The following TOX4 variants were observed in gnomAD, a reference collection of about 807,000 sequenced individuals.
The protein encoded by TOX4 is epidermal Langerhans cell protein LCP1.
TOX4 carries 12 observed loss-of-function variants against 61.0 expected under a neutral mutation model. That is an observed-to-expected ratio of 0.20 (90% confidence interval 0.13 to 0.32). TOX4 has a LOEUF of 0.32. Ranked by LOEUF, TOX4 falls within the 10% of genes least tolerant of loss-of-function variation. The pLI is 1.00. For synonymous variants in TOX4, 268 were observed against 274.8 expected (o/e 0.98, Z 0.24); for missense variants, 499 against 753.3 (o/e 0.66, Z 3.95).
In TOX4 at chr14:21,492,584, A is replaced by T; in HGVS notation, c.968A>T (p.Asp323Val). Reference protein sequence around the residue: ...TPSPPPMATVDPASPAPASIE... With the variant: ...TPSPPPMATVVPASPAPASIE... Reference sequence around the variant, plus strand: ...TCTCCACCTCCTATGGCTACTGTTGACCCAGCATCTCCAGCACCAGCTTCA... The same window carrying T: ...TCTCCACCTCCTATGGCTACTGTTGTCCCAGCATCTCCAGCACCAGCTTCA... The change falls in exon 7 of 9, where the codon GAC becomes GTC. Residue 323 changes from aspartate (D) to valine (V), a missense_variant. By Grantham distance (152) the Asp-to-Val change is radical. Transcript: ENST00000448790. The T allele has an allele frequency of 1.9e-6, 3 of 1,613,786 alleles. No individual in the cohort carries two copies. Among genetic ancestry groups the T allele is most frequent in the Non-Finnish European group, 2.5e-6 (3 of 1,179,990 alleles).
chr14:21,493,896 C>T (rs1405617372), intron 7 of TOX4, among the ~76,000 whole-genome samples: 1 of 152,020 alleles, frequency 6.6e-6, no homozygotes, highest in Non-Finnish European at 1.5e-5. Flanking sequence ...ATTACAGGCG[C>T]CCACCACTAC....
chr14:21,484,251 T>A (rs531317002), intron 2 of TOX4, among the ~76,000 whole-genome samples: 1 of 151,132 alleles, frequency 6.6e-6, no homozygotes, highest in South Asian at 2.1e-4. Flanking sequence ...ACAAATGTGA[T>A]TCAGAGATTG....
Position 21,498,416 on chromosome 14 carries a change from A to G in TOX4, c.*1810A>G. 2 of 1,585,556 alleles carry G rather than the reference A, an allele frequency of 1.3e-6. No homozygotes were observed. The highest frequency in any genetic ancestry group is 1.7e-6 in the Non-Finnish European group (2 of 1,155,464). On this transcript the variant is annotated 3_prime_UTR_variant, in exon 9 of 9. Transcript: ENST00000448790. ...GGCAAACCAGAAATCCTGGAATTAG[A>G]GGGTTTAATATTGTTAAAAAATGCA...
chr14:21,480,504 T>C (rs565208450), intron 2 of TOX4, among the ~76,000 whole-genome samples: 4 of 152,218 alleles, frequency 2.6e-5, no homozygotes, highest in Admixed American at 1.3e-4. Flanking sequence ...ATTCCAAATA[T>C]ATCTTAGAAG....
chr14:21,492,736 AT>A lies in TOX4; in HGVS notation c.1121del (p.Met374SerfsTer22). 6.2e-7 allele frequency: 1 copy of A among 1,614,058 alleles called. No individual in the cohort carries two copies. Among genetic ancestry groups the A allele is most frequent in the Non-Finnish European group, 8.5e-7 (1 of 1,180,012 alleles). ...CACCAAGTTGATTATTACCAAACAA[AT>A]GTTGCCCTCTTCTATTACTATGTCT... ...NITKLIITKQMLPSSITMSQG... is the reference protein window; with the variant it reads ...NITKLIITKQXLPSSITMSQG... On this transcript the variant is annotated frameshift_variant, in exon 7 of 9. Transcript: ENST00000448790. LOFTEE classifies it high-confidence loss of function.
chr14:21,496,242 T>C (rs906250279), intron 8 of TOX4: 1 of 185,134 alleles, frequency 5.4e-6, no homozygotes, highest in Non-Finnish European at 1.1e-5. Context: ...AAAAAGAATG[T>C]AGCGGCCGGG....
chr14:21,489,724 G>C (rs1401094880), intron 5 of TOX4, among the ~76,000 whole-genome samples: 1 of 151,908 alleles, frequency 6.6e-6, no homozygotes, highest in East Asian at 2.0e-4. Context: ...GACTGCAGGC[G>C]CTTCCACCAC....
chr14:21,489,635 G>A (rs1210768182), intron 5 of TOX4, among the ~76,000 whole-genome samples: 1 of 151,742 alleles, frequency 6.6e-6, no homozygotes, highest in Non-Finnish European at 1.5e-5. Context: ...CTGGAGTGCA[G>A]TGCCGTGATC....
chr14:21,483,940 T>C (rs1891152923), intron 2 of TOX4, among the ~76,000 whole-genome samples: 1 of 152,008 alleles, frequency 6.6e-6, no homozygotes, highest in Admixed American at 6.6e-5. Flanking sequence ...CCTGGGTAGC[T>C]GGGATTACAG....
rs374423189 is a variant in TOX4 at position 21,487,171 on chromosome 14, A to G, written c.76-280A>G. On this transcript the variant is annotated intron_variant, in intron 2 of 8. Transcript: ENST00000448790. ...ACTGAAAGAATTTTTCATTAGAACC[A>G]TAGGCATAATTTAAGACAAAAGAGA... is the stretch of plus-strand genomic sequence containing the variant. 1.5e-4 allele frequency among the ~76,000 whole-genome samples: 23 copies of G among 152,360 alleles called. No homozygotes were observed. The South Asian group carries it at 4.6e-3, about 30-fold the overall frequency.
intron 7 of TOX4, 21 bp downstream of exon 7, chr14:21,493,278 CTT>C (rs1160669394): frequency 6.3e-7 from 1 of 1,578,376 alleles, no homozygotes; most frequent in Non-Finnish European, 8.6e-7. Flanking sequence ...GTTTTTAAGT[CTT>C]TAGTCTAGTG....
At chr14:21,479,088 GGCATGA>G (rs1364581441) in intron 2 of TOX4, among the ~76,000 whole-genome samples, 1 of 150,428 alleles carries the variant, frequency 6.6e-6, no homozygotes, top group Non-Finnish European at 1.5e-5. Context: ...TAGGATTACA[GGCATGA>G]GCCAATGTGC....
intron 5 of TOX4, among the ~76,000 whole-genome samples, chr14:21,489,946 C>T (rs1301035312): frequency 1.3e-5 from 2 of 151,650 alleles, no homozygotes; most frequent in Non-Finnish European, 2.9e-5. Flanking sequence ...CTTTGGGAGG[C>T]CAGGGCAGGA....
At position 21,495,303 on chromosome 14, in the gene TOX4, T is replaced by G. The variant is rs1391717620; in HGVS notation, c.1716T>G (p.Cys572Trp). The G allele has an allele frequency of 6.2e-7, 1 of 1,614,152 alleles. No individual in the cohort carries two copies. The highest frequency in any genetic ancestry group is 8.5e-7 in the Non-Finnish European group (1 of 1,180,018). The change falls in exon 8 of 9, where the codon TGT (cysteine) becomes TGG (tryptophan). Residue 572 changes from cysteine (C) to tryptophan (W), a missense_variant. Coordinates refer to ENST00000448790, the MANE Select transcript of TOX4 (RefSeq NM_014828.4). ...TGGCACTCTCACCCCAGCCTCGATG[T>G]GTGAGGTCTGGTTGTGAGAACCCTC... ...SPVALSPQPR[C>W]VRSGCENPPI...
intron 2 of TOX4, among the ~76,000 whole-genome samples, chr14:21,486,652 T>A (rs1327289429): frequency 6.6e-6 from 1 of 152,180 alleles, no homozygotes; most frequent in African/African-American, 2.4e-5. Context: ...GCAGTTCACA[T>A]CTTAATCAGA....
In TOX4 at chr14:21,498,732, G is replaced by A. The variant is rs1415639129; in HGVS notation, c.*2126G>A. On this transcript the variant is annotated 3_prime_UTR_variant, in exon 9 of 9. Coordinates refer to ENST00000448790, the MANE Select transcript of TOX4 (RefSeq NM_014828.4). ...ATTGACAGATTAAATAGATAACTTCGTAACCACCAGGGGGCAGATTCAATA... is the reference window on the plus strand; with the variant it reads ...ATTGACAGATTAAATAGATAACTTCATAACCACCAGGGGGCAGATTCAATA... The A allele has an allele frequency of 4.4e-6, 2 of 458,004 alleles. No homozygotes were observed. The highest frequency in any genetic ancestry group is 2.0e-5 in the African/African-American group (1 of 51,194). The allele number at this position is 458,004 out of a possible 1,614,324, so 28.4% of individuals were successfully genotyped here. A position where few individuals can be genotyped will look rare whatever the true frequency, so the allele number is the denominator to read the frequency against.
intron 2 of TOX4, among the ~76,000 whole-genome samples, chr14:21,480,433 AGCGGTG>A (rs1314767135): frequency 6.6e-6 from 1 of 152,096 alleles, no homozygotes; most frequent in East Asian, 1.9e-4. Flanking sequence ...TTCCCTTGGT[AGCGGTG>A]GTAATGGTTG....
chr14:21,479,231 G>C (rs531948107), intron 2 of TOX4, among the ~76,000 whole-genome samples: 4 of 149,256 alleles, frequency 2.7e-5, no homozygotes, highest in Non-Finnish European at 5.9e-5. Flanking sequence ...ACAGTAGCTC[G>C]TGCCAGTAAT....
chr14:21,496,515 T>C lies in TOX4; in HGVS notation c.1806-31T>C, dbSNP rs375660776. 5 of 1,592,462 alleles carry C rather than the reference T, an allele frequency of 3.1e-6. No homozygotes were observed. The African/African-American group carries it at 6.7e-5, about 21-fold the overall frequency. ...TAATTCTATTTCAGTTTGTGTATAA[T>C]TCTGTTTGTGTATGTCTTTTTCTCT... On this transcript the variant is annotated intron_variant, in intron 8 of 8. Coordinates refer to ENST00000448790, the MANE Select transcript of TOX4 (RefSeq NM_014828.4).
Sources: allele counts gnomAD v4.1 joint callset (sites outside exome capture counted in the v4.1 genomes callset), GRCh38; gene constraint gnomAD v4.1.1; transcripts MANE v1.5; gene names NCBI Gene and HGNC (gene_info 2026-07-23, HGNC 2026-07-21).